COA1: variants seen among roughly 807,000 people sequenced by gnomAD.
COA1 encodes the protein cytochrome c oxidase assembly factor 1 homolog.
Under a neutral mutation model 16.0 loss-of-function variants are expected in COA1, and 13 were observed. The observed-to-expected ratio is 0.81, with a 90% CI of 0.53 to 1.29. The LOEUF (loss-of-function observed/expected upper bound fraction) is 1.29, where lower values mean the gene tolerates loss of function less well. Among genes scored for constraint, COA1 ranks in the 50% most tolerant of loss-of-function variants. COA1 has a pLI of 0.00. For synonymous variants in COA1, 65 were observed against 65.7 expected (o/e 0.99, Z 0.05); for missense variants, 179 against 177.0 (o/e 1.01, Z -0.06).
At chr7:43,626,766 TAATA>T (rs1296624195) in intron 6 of COA1, 1 of 152,250 alleles carries the variant, frequency 6.6e-6, no homozygotes, top group Non-Finnish European at 1.5e-5. Flanking sequence ...TTTATACTCG[TAATA>T]AATATATTTA....
At chr7:43,687,065 G>A (rs771373627) in intron 1 of COA1, among the ~76,000 whole-genome samples, 2 of 152,026 alleles carry the variant, frequency 1.3e-5, no homozygotes, top group Non-Finnish European at 2.9e-5. Flanking sequence ...CTTTATCCAT[G>A]CTTGTTTCTG....
At chr7:43,666,131 C>T (rs1194235207) in intron 1 of COA1, among the ~76,000 whole-genome samples, 1 of 152,196 alleles carries the variant, frequency 6.6e-6, no homozygotes, top group African/African-American at 2.4e-5. Context: ...CTTTTAGCCA[C>T]TTAAGATGTT....
chr7:43,671,603 A>C (rs1417178736), intron 1 of COA1, among the ~76,000 whole-genome samples: 1 of 152,246 alleles, frequency 6.6e-6, no homozygotes, highest in Non-Finnish European at 1.5e-5. Context: ...AAAACACTCC[A>C]TGCTCATGGC....
intron 1 of COA1, among the ~76,000 whole-genome samples, chr7:43,691,323 AAGAAAGAG>A (rs2094307843): frequency 9.8e-6 from 1 of 102,528 alleles, no homozygotes; most frequent in South Asian, 3.8e-4. Flanking sequence ...GAAAGAAAGA[AAGAAAGAG>A]AAAGAGAGAG....
chr7:43,691,421 A>AAAAGAAAG (rs375210311), intron 1 of COA1, among the ~76,000 whole-genome samples: 996 of 87,358 alleles, frequency 0.011, 67 homozygotes, highest in Non-Finnish European at 0.016. Flanking sequence ...GGAAGAAAGA[A>AAAAGAAAG]AAAGAAAGAA....
At chr7:43,623,452 A>AT in intron 6 of COA1, 1 of 769,596 alleles carries the variant, frequency 1.3e-6, no homozygotes, top group Non-Finnish European at 2.1e-6. Flanking sequence ...GTAACCTTTC[A>AT]TTTTAGCCCA....
At chr7:43,649,448 T>C (rs2090309317) in intron 1 of COA1, 1 of 152,272 alleles carries the variant, frequency 6.6e-6, no homozygotes, top group African/African-American at 2.4e-5. Flanking sequence ...CTGTTCAGTG[T>C]AAAAGTCCTT....
intron 1 of COA1, among the ~76,000 whole-genome samples, chr7:43,696,023 T>TG (rs1300573681): frequency 6.6e-6 from 1 of 152,150 alleles, no homozygotes; most frequent in African/African-American, 2.4e-5. Context: ...TCCACAGGAC[T>TG]GGGGAGGCCT....
chr7:43,668,212 T>G (rs534957137), intron 1 of COA1, among the ~76,000 whole-genome samples: 1 of 152,336 alleles, frequency 6.6e-6, no homozygotes, highest in African/African-American at 2.4e-5. Context: ...GTAAAGAATG[T>G]CACTTTCTAA....
intron 1 of COA1, among the ~76,000 whole-genome samples, chr7:43,680,771 C>T (rs2093732288): frequency 1.3e-5 from 2 of 152,108 alleles, no homozygotes; most frequent in African/African-American, 4.8e-5. Context: ...GAGTTCGAGA[C>T]CAGCCTGGGC....
chr7:43,690,059 T>C (rs936157746), intron 1 of COA1, among the ~76,000 whole-genome samples: 2 of 152,070 alleles, frequency 1.3e-5, no homozygotes, highest in Admixed American at 1.3e-4. Flanking sequence ...TAAATGTAAA[T>C]TGTCTGCAAG....
At position 43,691,248 on chromosome 7, in the gene COA1, CAAAAA is replaced by C. The variant is rs1225650141; in HGVS notation, c.-39+38176_-39+38180del. Among the ~76,000 whole-genome samples, 107 of 59,776 alleles carry C rather than the reference CAAAAA, an allele frequency of 1.8e-3. 5 individuals carry two copies. Among genetic ancestry groups the C allele is most frequent in the African/African-American group, 8.2e-3 (100 of 12,184 alleles). 39.2% of individuals were successfully genotyped at this position (59,776 alleles called of 152,430 possible). ...TGGGTGACAAAGCAAGACCTTGACT[CAAAAA>C]AAGAAAGAAAGAAAAGAAAGAAAGA... On this transcript the variant is annotated intron_variant, in intron 1 of 5. Coordinates refer to ENST00000223336, the MANE Select transcript of COA1 (RefSeq NM_018224.4).
chr7:43,638,905 C>CTAAG (rs1419865362), downstream of COA1: 2 of 152,184 alleles, frequency 1.3e-5, no homozygotes, highest in Non-Finnish European at 2.9e-5. Context: ...ACTAACTTTC[C>CTAAG]TAAGTTAACT....
chr7:43,643,622 T>C (rs561283599), intron 4 of COA1, among the ~76,000 whole-genome samples: 1 of 152,332 alleles, frequency 6.6e-6, no homozygotes, highest in East Asian at 1.9e-4. Flanking sequence ...CCGCTCCTGA[T>C]ACATGACTGT....
At chr7:43,675,340 C>T (rs2093463847) in intron 1 of COA1, among the ~76,000 whole-genome samples, 1 of 151,856 alleles carries the variant, frequency 6.6e-6, no homozygotes, top group African/African-American at 2.4e-5. Flanking sequence ...AACAAAAAAC[C>T]AAACATCGTG....
At chr7:43,634,771 C>CTAAG (rs1178640389), downstream of COA1, among the ~76,000 whole-genome samples, 1 of 152,222 alleles carries the variant, frequency 6.6e-6, no homozygotes, top group Non-Finnish European at 1.5e-5. Context: ...CTCCATCTTT[C>CTAAG]TAAGTTGCCC....
chr7:43,713,884 CA>C (rs2095322711), intron 1 of COA1, among the ~76,000 whole-genome samples: 2 of 152,016 alleles, frequency 1.3e-5, no homozygotes, highest in Admixed American at 6.6e-5. Context: ...ACTAAAAATA[CA>C]AAAATTAGCC....
chr7:43,637,504 C>G (rs970506002), downstream of COA1, among the ~76,000 whole-genome samples: 11 of 152,164 alleles, frequency 7.2e-5, no homozygotes, highest in African/African-American at 2.4e-4. Flanking sequence ...TCCTCTGATG[C>G]ATTATCCAAG....
At chr7:43,697,101 C>T (rs1320698757) in intron 1 of COA1, among the ~76,000 whole-genome samples, 1 of 149,476 alleles carries the variant, frequency 6.7e-6, no homozygotes, top group Non-Finnish European at 1.5e-5. Context: ...TCCAGCCTGG[C>T]GACAGAGACT....
Sources: allele counts gnomAD v4.1 joint callset (sites outside exome capture counted in the v4.1 genomes callset), GRCh38; gene constraint gnomAD v4.1.1; transcripts MANE v1.5; gene names NCBI Gene and HGNC (gene_info 2026-07-23, HGNC 2026-07-21).